Variants in NEBL observed in about 807,000 individuals in gnomAD.
NEBL encodes the protein nebulette.
NEBL carries 122 observed loss-of-function variants against 140.2 expected under a neutral mutation model. The observed-to-expected ratio is 0.87, with a 90% CI of 0.75 to 1.01. The LOEUF is 1.01. Among genes scored for constraint, NEBL ranks in the 50% least tolerant of loss-of-function variants. NEBL has a pLI of 0.00. For missense variants in NEBL, 1,365 were observed against 1,231.3 expected (o/e 1.11, Z -1.62); for synonymous variants, 436 against 398.9 (o/e 1.09, Z -1.11).
intron 2 of NEBL, among the ~76,000 whole-genome samples, chr10:21,126,358 C>T (rs528261087): frequency 3.9e-5 from 6 of 152,044 alleles, no homozygotes; most frequent in Admixed American, 6.5e-5. Flanking sequence ...GAGTGTGGAC[C>T]CCTCTCAAGC....
At chr10:20,862,025 C>T (rs535498899) in intron 7 of NEBL, among the ~76,000 whole-genome samples, 1 of 152,098 alleles carries the variant, frequency 6.6e-6, no homozygotes, top group African/African-American at 2.4e-5. Flanking sequence ...GTTTTACACA[C>T]GTTGAACATC....
intron 2 of NEBL, among the ~76,000 whole-genome samples, chr10:21,107,295 G>T (rs1279329737): frequency 6.6e-6 from 1 of 152,050 alleles, no homozygotes; most frequent in Admixed American, 6.6e-5. Context: ...TATGATATTG[G>T]CTGTGGGTTT....
chr10:20,879,177 T>C (rs1431362114), intron 5 of NEBL, among the ~76,000 whole-genome samples: 1 of 152,192 alleles, frequency 6.6e-6, no homozygotes, highest in Non-Finnish European at 1.5e-5. Context: ...ACAGTAACCT[T>C]TAAGGTGGAG....
chr10:20,860,836 C>A lies in NEBL; in HGVS notation c.685-1010G>T, dbSNP rs189260836. Among the ~76,000 whole-genome samples the A allele has an allele frequency of 3.4e-3, 515 of 152,060 alleles. 5 individuals are homozygous for A. Among genetic ancestry groups the A allele is most frequent in the African/African-American group, 0.011 (476 of 41,484 alleles). On this transcript the variant is annotated intron_variant, in intron 7 of 27. Transcript: ENST00000377122. Reference sequence around the variant, plus strand: ...ACTCTCATCAAATATTTTAGGCATGCATAGGGTGATGGTCTCCTTCAGGGA... The same window carrying A: ...ACTCTCATCAAATATTTTAGGCATGAATAGGGTGATGGTCTCCTTCAGGGA...
At chr10:20,865,031 TC>T (rs1186703657) in intron 7 of NEBL, among the ~76,000 whole-genome samples, 1 of 152,200 alleles carries the variant, frequency 6.6e-6, no homozygotes, top group East Asian at 1.9e-4. Flanking sequence ...TGCTTTCAAG[TC>T]CAAGTAAGGA....
In NEBL at chr10:21,253,819, C is replaced by T. The variant is rs1016364102; in HGVS notation, n.183-1991G>A. 4.6e-5 allele frequency among the ~76,000 whole-genome samples: 7 copies of T among 152,246 alleles called. 1 individual carries two copies. Among genetic ancestry groups the T allele is most frequent in the Admixed American group, 2.6e-4 (4 of 15,286 alleles). The stretch of plus-strand genomic sequence containing the variant: ...TTGGTCTCCCAAAGTACTGGGATTA[C>T]AGGCATGAGCCACTCGCACCTGGCC... On this transcript the variant is annotated intron_variant and non_coding_transcript_variant, in intron 1 of 8. Transcript: ENST00000675702.
intron 2 of NEBL, among the ~76,000 whole-genome samples, chr10:21,103,503 G>T (rs530519355): frequency 6.6e-6 from 1 of 152,046 alleles, no homozygotes; most frequent in Non-Finnish European, 1.5e-5. Flanking sequence ...ATGAGCCACC[G>T]CACCAGGCCT....
chr10:21,286,377 A>G (rs1244390346), intron 1 of NEBL, among the ~76,000 whole-genome samples: 1 of 152,262 alleles, frequency 6.6e-6, no homozygotes, highest in Non-Finnish European at 1.5e-5. Flanking sequence ...GGCCAGGCCA[A>G]TGAAATGCTA....
chr10:20,926,413 A>G (rs1173556585), intron 4 of NEBL, among the ~76,000 whole-genome samples: 3 of 152,072 alleles, frequency 2.0e-5, no homozygotes, highest in African/African-American at 7.2e-5. Flanking sequence ...TGCTTCTTTT[A>G]TGATCTCATT....
intron 2 of NEBL, among the ~76,000 whole-genome samples, chr10:21,133,609 T>C (rs1289025793): frequency 6.6e-6 from 1 of 152,184 alleles, no homozygotes; most frequent in Non-Finnish European, 1.5e-5. Flanking sequence ...TGAATGAATA[T>C]AAGGCAAAGC....
At chr10:21,017,578 A>G (rs1428821414) in intron 3 of NEBL, among the ~76,000 whole-genome samples, 1 of 152,152 alleles carries the variant, frequency 6.6e-6, no homozygotes, top group Non-Finnish European at 1.5e-5. Flanking sequence ...GCCATTCATA[A>G]AACAGTGACC....
chr10:20,787,704 G>A (rs950207765), intron 26 of NEBL, among the ~76,000 whole-genome samples: 12 of 152,116 alleles, frequency 7.9e-5, no homozygotes, highest in Non-Finnish European at 1.8e-4. Flanking sequence ...GAGTATAAGT[G>A]TTTTCACAGG....
At chr10:20,960,789 A>C (rs1166786820) in intron 4 of NEBL, among the ~76,000 whole-genome samples, 1 of 152,074 alleles carries the variant, frequency 6.6e-6, no homozygotes, top group Non-Finnish European at 1.5e-5. Context: ...ACCACCTGCT[A>C]ATTAAACATG....
intron 2 of NEBL, among the ~76,000 whole-genome samples, chr10:21,090,960 A>T (rs2131963900): frequency 1.3e-5 from 2 of 152,120 alleles, no homozygotes; most frequent in Middle Eastern, 3.4e-3. Flanking sequence ...AAAAATGCCA[A>T]TTTTTTCCCA....
chr10:20,829,533 A>T (rs1232733579), intron 16 of NEBL, among the ~76,000 whole-genome samples: 1 of 151,982 alleles, frequency 6.6e-6, no homozygotes, highest in Non-Finnish European at 1.5e-5. Context: ...ACATGTATAC[A>T]TATGTAACTA....
rs570873108 is a variant in NEBL, at chr10:20,962,828, A to G, written c.250-1049T>C. On this transcript the variant is annotated intron_variant, in intron 3 of 6. Transcript: ENST00000417816. ...AAGTTAATTTAGGGTTGCCTATTCAATATGATTGTTAGTGTAGTGTAGTCT... is the reference window on the plus strand; with the variant it reads ...AAGTTAATTTAGGGTTGCCTATTCAGTATGATTGTTAGTGTAGTGTAGTCT... Among the ~76,000 whole-genome samples the G allele has an allele frequency of 2.0e-4, 30 of 152,328 alleles. 1 individual carries two copies. The highest frequency in any genetic ancestry group is 6.3e-4 in the African/African-American group (26 of 41,572).
chr10:20,843,835 C>T (rs542938647), intron 12 of NEBL, among the ~76,000 whole-genome samples: 2 of 152,146 alleles, frequency 1.3e-5, no homozygotes, highest in East Asian at 3.9e-4. Context: ...GTTGTGAACA[C>T]TCAAAATCCT....
At position 20,781,330 on chromosome 10, in the gene NEBL, C is replaced by T. The variant is rs1327827836; in HGVS notation, c.*4417G>A. 1 of 152,468 alleles carries T rather than the reference C, an allele frequency of 6.6e-6. No individual in the cohort carries two copies. Among genetic ancestry groups the T allele is most frequent in the Non-Finnish European group, 1.5e-5 (1 of 68,022 alleles). 9.4% of individuals were successfully genotyped at this position (152,468 alleles called of 1,614,324 possible). On this transcript the variant is annotated 3_prime_UTR_variant, in exon 28 of 28. Transcript: ENST00000377122. ...AGTCTCGCAAATTAATCATCAACCA[C>T]AATTCTACATATTTTGAAGCAAACA...
At chr10:21,034,952 T>A (rs1833954854) in intron 2 of NEBL, among the ~76,000 whole-genome samples, 1 of 120,444 alleles carries the variant, frequency 8.3e-6, no homozygotes, top group East Asian at 3.1e-4. Flanking sequence ...TCTTATTTAT[T>A]TATTTATTTA....
Sources: allele counts gnomAD v4.1 joint callset (sites outside exome capture counted in the v4.1 genomes callset), GRCh38; gene constraint gnomAD v4.1.1; transcripts MANE v1.5; gene names NCBI Gene and HGNC (gene_info 2026-07-23, HGNC 2026-07-21).